The following TLN2 variants were observed in gnomAD, a reference collection of about 807,000 sequenced individuals.
TLN2 encodes the protein talin 2.
Under a neutral mutation model 294.7 loss-of-function variants are expected in TLN2, and 118 were observed. That is an observed-to-expected ratio of 0.40 (90% CI 0.34 to 0.47). The LOEUF (loss-of-function observed/expected upper bound fraction) is 0.47. Among genes scored for constraint, TLN2 ranks in the 20% least tolerant of loss-of-function variants. The pLI is 0.84. For missense variants in TLN2, 3,083 were observed against 3,282.2 expected, an observed-to-expected ratio of 0.94 and a Z score of 1.48; for synonymous variants, 1,431 against 1,304.5, an observed-to-expected ratio of 1.10 and a Z score of -2.09.
chr15:62,409,479 G>T (rs1377784917), intron 1 of TLN2, among the ~76,000 whole-genome samples: 2 of 152,168 alleles, frequency 1.3e-5, no homozygotes, highest in African/African-American at 4.8e-5. Flanking sequence ...TTAATAGATT[G>T]TTAGCTTTCT....
chr15:62,703,860 C>T (rs964103199), intron 19 of TLN2, among the ~76,000 whole-genome samples: 2 of 152,162 alleles, frequency 1.3e-5, no homozygotes, highest in African/African-American at 2.4e-5. Context: ...CATCTCTGCT[C>T]ATCTGCCTCC....
At chr15:62,402,805 A>G (rs185711957) in intron 1 of TLN2, among the ~76,000 whole-genome samples, 2 of 152,208 alleles carry the variant, frequency 1.3e-5, no homozygotes, top group East Asian at 1.9e-4. Flanking sequence ...TTACTAACCT[A>G]CCAGCACACA....
At chr15:62,821,764 T>G (rs969287997) in intron 54 of TLN2, among the ~76,000 whole-genome samples, 12 of 152,196 alleles carry the variant, frequency 7.9e-5, no homozygotes, top group Non-Finnish European at 1.5e-5. Context: ...GAGTCTTGGG[T>G]TGCCTGATAT....
rs147628558 is a variant in TLN2, at chr15:62,775,658, A to G, written c.5368-1106A>G. Reference sequence around the variant, plus strand: ...CTTGTATTTAGAAAATCACCCAACGAGTTCTCGTTTACTGCTTTCCACTGG... The same window carrying G: ...CTTGTATTTAGAAAATCACCCAACGGGTTCTCGTTTACTGCTTTCCACTGG... On this transcript the variant is annotated intron_variant, in intron 42 of 58. Coordinates refer to ENST00000636159, the MANE Select transcript of TLN2 (RefSeq NM_015059.3). 1.1e-4 allele frequency among the ~76,000 whole-genome samples: 17 copies of G among 152,326 alleles called. No individual in the cohort carries two copies. The East Asian group carries it at 3.3e-3, about 29-fold the overall frequency.
Position 62,771,062 on chromosome 15 carries a change from C to T in TLN2, c.5295C>T (p.Asp1765=), listed in dbSNP as rs778953928. ...LDHQQQMTVL[D]QTKTLAESAL... is the part of the protein sequence containing the mutation. The stretch of plus-strand genomic sequence containing the variant: ...ATCAGCAGCAGATGACGGTGCTGGA[C>T]CAGACCAAGACTCTCGCAGAGTCTG... Residue 1765 remains aspartate, a synonymous_variant, in exon 42 of 59, where the codon GAC becomes GAT. Coordinates refer to ENST00000636159, the MANE Select transcript of TLN2 (RefSeq NM_015059.3). 6.2e-7 allele frequency: 1 copy of T among 1,613,590 alleles called. No homozygotes were observed. The highest frequency in any genetic ancestry group is 8.5e-7 in the Non-Finnish European group (1 of 1,179,962).
chr15:62,572,988 G>C (rs2140650366), intron 1 of TLN2, among the ~76,000 whole-genome samples: 1 of 152,160 alleles, frequency 6.6e-6, no homozygotes, highest in South Asian at 2.1e-4. Context: ...GGCCTTCCCA[G>C]TTCCCACACC....
At chr15:62,644,725 C>T in intron 3 of TLN2, 1 of 384,188 alleles carries the variant, frequency 2.6e-6, no homozygotes, top group Non-Finnish European at 5.1e-6. Context: ...TCTCCTTGCT[C>T]CTCTGTGTGT....
intron 3 of TLN2, among the ~76,000 whole-genome samples, chr15:62,623,933 G>T (rs990077209): frequency 3.3e-5 from 5 of 152,230 alleles, no homozygotes; most frequent in South Asian, 2.1e-4. Flanking sequence ...CCTTTAGTTG[G>T]TTTTTTGCTT....
intron 36 of TLN2, 79 bp from the exon 37 acceptor site, chr15:62,755,453 G>T: frequency 6.7e-7 from 1 of 1,496,088 alleles, no homozygotes. Flanking sequence ...AGTTGAACAG[G>T]AACCCAGGGC....
At chr15:62,810,795 G>A (rs1210590069) in intron 52 of TLN2, among the ~76,000 whole-genome samples, 1 of 152,194 alleles carries the variant, frequency 6.6e-6, no homozygotes, top group African/African-American at 2.4e-5. Context: ...GGCCTCCATA[G>A]TCAGGGACAC....
intron 54 of TLN2, chr15:62,830,259 TAAG>T (rs1186398831): frequency 6.6e-6 from 1 of 152,182 alleles, no homozygotes; most frequent in Non-Finnish European, 1.5e-5. Context: ...AAGAGGGCCT[TAAG>T]ACACCAACCA....
chr15:62,573,002 C>G (rs186327837), intron 1 of TLN2, among the ~76,000 whole-genome samples: 102 of 151,272 alleles, frequency 6.7e-4, no homozygotes, highest in African/African-American at 2.4e-3. Context: ...CCACACCTCT[C>G]TTCTCATAGC....
chr15:62,773,184 C>G (rs2063465232), intron 42 of TLN2, among the ~76,000 whole-genome samples: 1 of 149,918 alleles, frequency 6.7e-6, no homozygotes, highest in Non-Finnish European at 1.5e-5. Context: ...CTTCTGGCCT[C>G]AAGCAGTCCT....
At chr15:62,754,872 A>T (rs375312617) in intron 36 of TLN2, 1 of 152,184 alleles carries the variant, frequency 6.6e-6, no homozygotes, top group African/African-American at 2.4e-5. Flanking sequence ...GCAGCCCTCC[A>T]TGGATGAGGA....
At chr15:62,655,549 G>A (rs982912990) in intron 7 of TLN2, among the ~76,000 whole-genome samples, 1 of 152,064 alleles carries the variant, frequency 6.6e-6, no homozygotes, top group East Asian at 1.9e-4. Flanking sequence ...CCTCCACCCT[G>A]CCACCGGAGA....
At chr15:62,684,499 T>G (rs989915740) in intron 11 of TLN2, among the ~76,000 whole-genome samples, 2 of 152,132 alleles carry the variant, frequency 1.3e-5, no homozygotes, top group African/African-American at 4.8e-5. Flanking sequence ...TTTTAAGACT[T>G]GAGGTTCAGG....
intron 52 of TLN2, among the ~76,000 whole-genome samples, chr15:62,811,646 C>G (rs1420294720): frequency 1.3e-5 from 2 of 152,150 alleles, no homozygotes; most frequent in Non-Finnish European, 2.9e-5. Context: ...GTTAAACAGG[C>G]AGTTTATTAA....
chr15:62,838,774 CA>C lies in TLN2; in HGVS notation c.7375-79del, dbSNP rs1596220715. 1.9e-6 allele frequency: 3 copies of C among 1,549,756 alleles called. No homozygotes were observed. In the East Asian group the frequency reaches 6.8e-5, roughly 35 times the overall value. ...GATAATCAATTGACTCATGGTCTCACAAACTGTACCTTCATGTCTATTCTTG... is the reference window on the plus strand; with the variant it reads ...GATAATCAATTGACTCATGGTCTCACAACTGTACCTTCATGTCTATTCTTG... On this transcript the variant is annotated intron_variant, in intron 57 of 58. Coordinates refer to ENST00000636159, the MANE Select transcript of TLN2 (RefSeq NM_015059.3).
rs529946809 is a variant in TLN2, at chr15:62,736,892, G to C, written c.3373G>C (p.Glu1125Gln). 3.1e-6 allele frequency: 5 copies of C among 1,614,056 alleles called. No individual in the cohort carries two copies. The highest frequency in any genetic ancestry group is 1.1e-5 in the South Asian group (1 of 91,080). ...NEHYTGVAAR[E>Q]TAQALKTLAQ... Reference sequence around the variant, plus strand: ...TTTTCCCCCAGGGGTGGCTGCTAGAGAGACGGCCCAAGCTCTGAAAACACT... The same window carrying C: ...TTTTCCCCCAGGGGTGGCTGCTAGACAGACGGCCCAAGCTCTGAAAACACT... The change falls in exon 29 of 59, where the codon GAG becomes CAG. Residue 1125 changes from glutamate (E) to glutamine (Q), a missense_variant. Transcript: ENST00000636159.
Sources: gnomAD v4.1 joint callset for allele counts (sites outside exome capture counted in the v4.1 genomes callset) on GRCh38, gnomAD v4.1.1 for gene constraint, MANE v1.5 for transcripts, NCBI Gene and HGNC (gene_info 2026-07-23, HGNC 2026-07-21) for gene names.